Variants in CTSZ observed in about 807,000 individuals in gnomAD.
CTSZ encodes carboxypeptidase LB.
Under a neutral mutation model 32.4 loss-of-function variants are expected in CTSZ, and 39 were observed. The ratio of observed to expected loss-of-function variants is 1.20; its 90% CI spans 0.93 to 1.57. CTSZ has a LOEUF of 1.57. Ranked by LOEUF, CTSZ falls within the 40% of genes most tolerant of loss-of-function variation. The probability of loss-of-function intolerance (pLI) is 0.00; values close to 1 mark genes in which losing one functional copy is unlikely to be tolerated. For synonymous variants in CTSZ, 168 were observed against 170.1 expected (o/e 0.99, Z 0.10); for missense variants, 397 against 419.6 (o/e 0.95, Z 0.47).
chr20:59,004,512 A>T lies in CTSZ; in HGVS notation c.307+1810T>A, dbSNP rs1053873965. Among the ~76,000 whole-genome samples the T allele has an allele frequency of 6.6e-6, 1 of 151,758 alleles. No homozygotes were observed. Among genetic ancestry groups the T allele is most frequent in the Non-Finnish European group, 1.5e-5 (1 of 67,910 alleles). ...GCTGGAGTGGGTTCAAGGGTAGAGA[A>T]GAGGAAGTGGAGGGACTCCAGATAC... On this transcript the variant is annotated intron_variant, in intron 2 of 5. Coordinates refer to ENST00000217131, the MANE Select transcript of CTSZ (RefSeq NM_001336.4). The surrounding 1 kb of genome is among the most constrained non-coding windows in gnomAD (Gnocchi z 5.6).
At position 59,001,607 on chromosome 20, in the gene CTSZ, G is replaced by A. The variant is rs146651368; in HGVS notation, c.345C>T (p.Ser115=). 6 of 1,614,178 alleles carry A rather than the reference G, an allele frequency of 3.7e-6. No individual in the cohort carries two copies. The highest frequency in any genetic ancestry group is 5.1e-6 in the Non-Finnish European group (6 of 1,179,996). ...INIKRKGAWP[S]TLLSVQNVID... is the part of the protein sequence containing the mutation. Reference sequence around the variant, plus strand: ...TGACGTTCTGCACGGACAGGAGGGTGGAGGGCCACGCTCCCTTCCTCTTGA... The same window carrying A: ...TGACGTTCTGCACGGACAGGAGGGTAGAGGGCCACGCTCCCTTCCTCTTGA... Residue 115 remains serine, a synonymous_variant, in exon 3 of 6, where the codon TCC becomes TCT. Coordinates refer to ENST00000217131, the MANE Select transcript of CTSZ (RefSeq NM_001336.4).
chr20:58,997,153 CTG>C (rs1351098327), intron 4 of CTSZ, among the ~76,000 whole-genome samples: 4 of 97,876 alleles, frequency 4.1e-5, no homozygotes, highest in African/African-American at 9.3e-5. Flanking sequence ...CAGAGTGAGA[CTG>C]TGTTTCAAAA....
intron 4 of CTSZ, among the ~76,000 whole-genome samples, chr20:58,997,161 CAA>C (rs10582096): frequency 0.18 from 18,537 of 105,436 alleles, 1,289 homozygotes; most frequent in African/African-American, 0.21. Context: ...GACTGTGTTT[CAA>C]AAAAAAAAAA....
Position 58,997,469 on chromosome 20 carries a change from G to A in CTSZ, c.638+134C>T, listed in dbSNP as rs543190391. The A allele has an allele frequency of 1.8e-3, 1,463 of 795,572 alleles. 15 individuals carry two copies. The South Asian group carries it at 0.019, about 11-fold the overall frequency. The allele number at this position is 795,572 out of a possible 1,614,324, so 49.3% of individuals were successfully genotyped here. A position where few individuals can be genotyped will look rare whatever the true frequency, so the allele number is the denominator to read the frequency against. On this transcript the variant is annotated intron_variant, in intron 4 of 5. Coordinates refer to ENST00000217131, the MANE Select transcript of CTSZ (RefSeq NM_001336.4). ...AAGGAAAGTGGCGAAGGACGGAGAT[G>A]CCTACATGAGCACCGACATGAGCCC...
rs2091901461 is a variant in CTSZ at position 59,004,484 on chromosome 20, G to C, written c.307+1838C>G. Among the ~76,000 whole-genome samples the C allele has an allele frequency of 6.6e-6, 1 of 152,132 alleles. No individual in the cohort carries two copies. The highest frequency in any genetic ancestry group is 1.5e-5 in the Non-Finnish European group (1 of 68,022). On this transcript the variant is annotated intron_variant, in intron 2 of 5. Transcript: ENST00000217131. This position sits in a 1 kb window ranked among gnomAD's most constrained non-coding sequence, Gnocchi z 5.6. Reference sequence around the variant, plus strand: ...CCGGTGGAGTGGCAGAGGTGGGACTGAGGCTGGAGTGGGTTCAAGGGTAGA... The same window carrying C: ...CCGGTGGAGTGGCAGAGGTGGGACTCAGGCTGGAGTGGGTTCAAGGGTAGA...
rs1451293441 is a variant in CTSZ at position 59,005,389 on chromosome 20, ATC to A, written c.307+931_307+932del. 2.6e-5 allele frequency among the ~76,000 whole-genome samples: 4 copies of A among 152,252 alleles called. No homozygotes were observed. In the East Asian group the frequency reaches 5.8e-4, roughly 22 times the overall value. On this transcript the variant is annotated intron_variant, in intron 2 of 5. Coordinates refer to ENST00000217131, the MANE Select transcript of CTSZ (RefSeq NM_001336.4). ...ACTCACACTATGCTCAAGCCTCCCC[ATC>A]TCTCTGCAAAAAGCCTGCTTCCTCA...
intron 3 of CTSZ, among the ~76,000 whole-genome samples, chr20:59,000,632 C>A (rs1273925764): frequency 2.0e-5 from 3 of 152,074 alleles, no homozygotes; most frequent in African/African-American, 7.2e-5. Context: ...AGCACCTCCC[C>A]ACCTGCTCTC....
At chr20:59,006,186 C>G (rs1012121048) in intron 2 of CTSZ, 136 bp downstream of exon 2, 1 of 1,201,846 alleles carries the variant, frequency 8.3e-7, no homozygotes, top group South Asian at 1.6e-5. Context: ...CCGCGCTCCT[C>G]GGCCTTAGCA....
intron 2 of CTSZ, among the ~76,000 whole-genome samples, chr20:59,005,795 G>A (rs1404142485): frequency 2.6e-5 from 4 of 152,116 alleles, no homozygotes; most frequent in African/African-American, 9.7e-5. Flanking sequence ...CGTTGATAGG[G>A]AGGGCCTTAG....
chr20:59,005,137 G>A lies in CTSZ; in HGVS notation c.307+1185C>T, dbSNP rs73301233. Among the ~76,000 whole-genome samples the A allele has an allele frequency of 4.4e-3, 665 of 151,952 alleles. 5 individuals carry two copies. Among genetic ancestry groups the A allele is most frequent in the African/African-American group, 0.015 (628 of 41,392 alleles). Reference sequence around the variant, plus strand: ...TAGCCCCACCCACACCCTGCAGCCCGCCCAAGGTCTCCCAGACCTTCCAGC... The same window carrying A: ...TAGCCCCACCCACACCCTGCAGCCCACCCAAGGTCTCCCAGACCTTCCAGC... On this transcript the variant is annotated intron_variant, in intron 2 of 5. Coordinates refer to ENST00000217131, the MANE Select transcript of CTSZ (RefSeq NM_001336.4).
intron 5 of CTSZ, 71 bp from the exon 6 acceptor site, chr20:58,995,830 C>T (rs563935485): frequency 1.8e-4 from 246 of 1,372,794 alleles, no homozygotes; most frequent in Non-Finnish European, 1.3e-4. Context: ...CGTCAGCCCC[C>T]TGCCCCCTGC....
At chr20:59,001,712 A>ACG (rs1417064144) in intron 2 of CTSZ, 68 bp from the exon 3 acceptor site, 3 of 1,538,424 alleles carry the variant, frequency 2.0e-6, no homozygotes, top group Admixed American at 1.7e-5. Flanking sequence ...ACGGACCTGG[A>ACG]CGCCTCAGGC....
At position 58,995,530 on chromosome 20, in the gene CTSZ, A is replaced by G. The variant is rs747831221; in HGVS notation, c.*119T>C. On this transcript the variant is annotated 3_prime_UTR_variant, in exon 6 of 6. Transcript: ENST00000217131. ...CAGCCAGTGCCACGCTGTCCTCGCC[A>G]TCCAATATTGATAGCCACCCCAGTT... 3.5e-6 allele frequency: 3 copies of G among 848,538 alleles called. No individual in the cohort carries two copies. Among genetic ancestry groups the G allele is most frequent in the Non-Finnish European group, 3.9e-6 (2 of 518,278 alleles). 52.6% of individuals were successfully genotyped at this position (848,538 alleles called of 1,614,324 possible).
chr20:58,997,020 G>C (rs888806575), intron 4 of CTSZ, among the ~76,000 whole-genome samples: 28 of 152,056 alleles, frequency 1.8e-4, no homozygotes, highest in Non-Finnish European at 3.1e-4. Flanking sequence ...AGCTGGGTGT[G>C]GTGGTGTGCG....
chr20:59,003,809 G>T (rs945784835), intron 2 of CTSZ, among the ~76,000 whole-genome samples: 1 of 152,150 alleles, frequency 6.6e-6, no homozygotes, highest in African/African-American at 2.4e-5. Context: ...GACTGGGAGG[G>T]AGCCCGATGG....
chr20:58,995,774 A>G lies in CTSZ; in HGVS notation c.802-15T>C, dbSNP rs1414809593. 6.2e-7 allele frequency: 1 copy of G among 1,611,006 alleles called. No homozygotes were observed. Among genetic ancestry groups the G allele is most frequent in the Non-Finnish European group, 8.5e-7 (1 of 1,177,620 alleles). ...CCTCTCTCGCCCTGTGAGAAGTGGG[A>G]TCGCGCGTCAGCCCATCTGCAGCCG... On this transcript the variant is annotated splice_polypyrimidine_tract_variant and intron_variant, in intron 5 of 5. Coordinates refer to ENST00000217131, the MANE Select transcript of CTSZ (RefSeq NM_001336.4).
At chr20:59,001,404 G>T (rs6100302) in intron 3 of CTSZ, 61 bp downstream of exon 3, 3 of 1,526,150 alleles carry the variant, frequency 2.0e-6, no homozygotes, top group Non-Finnish European at 2.7e-6. Flanking sequence ...CAGCCACGAA[G>T]GCCTGTGGAA....
Position 58,996,978 on chromosome 20 carries a change from G to A in CTSZ, c.639-177C>T, listed in dbSNP as rs186652190. Among the ~76,000 whole-genome samples, 9 of 152,136 alleles carry A rather than the reference G, an allele frequency of 5.9e-5. No individual in the cohort carries two copies. The East Asian group carries it at 1.5e-3, about 26-fold the overall frequency. The stretch of plus-strand genomic sequence containing the variant: ...TCAAGACCAGCCTGGGCAAGATGGC[G>A]AAACCCCACCTCTACAGAAAATACA... On this transcript the variant is annotated intron_variant, in intron 4 of 5. Transcript: ENST00000217131.
At chr20:58,996,010 A>G (rs896547985) in intron 5 of CTSZ, among the ~76,000 whole-genome samples, 1 of 152,188 alleles carries the variant, frequency 6.6e-6, no homozygotes, top group African/African-American at 2.4e-5. Flanking sequence ...CTCACAAAAC[A>G]TGTTGACTCT....
Sources: allele counts gnomAD v4.1 joint callset (sites outside exome capture counted in the v4.1 genomes callset), GRCh38; gene constraint gnomAD v4.1.1; non-coding constraint Gnocchi (gnomAD v3.1); transcripts MANE v1.5; gene names NCBI Gene and HGNC (gene_info 2026-07-23, HGNC 2026-07-21).